The following LPP variants were observed in gnomAD, a reference collection of about 807,000 sequenced individuals.
The protein encoded by LPP is LIM domain containing preferred translocation partner in lipoma, also known as lipoma-preferred partner.
In LPP, 38 loss-of-function variants were observed where a neutral mutation model predicts 60.4. That is an observed-to-expected ratio of 0.63 (90% CI 0.49 to 0.83). LPP has a LOEUF of 0.83. Ranked by LOEUF, LPP falls within the 40% of genes least tolerant of loss-of-function variation. The pLI, the probability that LPP is intolerant of heterozygous loss-of-function variation, is 0.00. For synonymous variants in LPP, 328 were observed against 290.8 expected (o/e 1.13, Z -1.30); for missense variants, 902 against 783.6 (o/e 1.15, Z -1.80).
chr3:188,619,830 C>A (rs1454931581), intron 7 of LPP, among the ~76,000 whole-genome samples: 1 of 152,110 alleles, frequency 6.6e-6, no homozygotes, highest in Non-Finnish European at 1.5e-5. Flanking sequence ...GAAGTTGTGA[C>A]AGTAAGTGGA....
intron 4 of LPP, among the ~76,000 whole-genome samples, chr3:188,438,573 T>C (rs1792961854): frequency 6.6e-6 from 1 of 152,190 alleles, no homozygotes; most frequent in Non-Finnish European, 1.5e-5. Context: ...GTAACTACAC[T>C]GTTCTTCCCA....
chr3:188,154,809 G>T (rs1024357026), intron 1 of LPP, among the ~76,000 whole-genome samples: 1 of 152,236 alleles, frequency 6.6e-6, no homozygotes, highest in African/African-American at 2.4e-5. Context: ...AAGGAACTCA[G>T]TTGAACCTGG....
intron 3 of LPP, among the ~76,000 whole-genome samples, chr3:188,386,884 T>TA (rs1464484234): frequency 1.1e-4 from 17 of 152,332 alleles, no homozygotes; most frequent in African/African-American, 4.1e-4. Flanking sequence ...ACTGCTTATT[T>TA]ATAATGTACG....
intron 8 of LPP, among the ~76,000 whole-genome samples, chr3:188,729,060 C>T (rs1273408441): frequency 6.6e-6 from 1 of 151,994 alleles, no homozygotes; most frequent in African/African-American, 2.4e-5. Flanking sequence ...AAAAACCTCC[C>T]TAGGGAGATT....
chr3:188,722,982 T>C (rs1191985245), intron 8 of LPP, among the ~76,000 whole-genome samples: 1 of 152,186 alleles, frequency 6.6e-6, no homozygotes, highest in Non-Finnish European at 1.5e-5. Flanking sequence ...GATGTTCTGT[T>C]GTAATTGGAA....
chr3:188,820,199 A>C (rs1428908358), intron 9 of LPP, among the ~76,000 whole-genome samples: 4 of 152,156 alleles, frequency 2.6e-5, no homozygotes, highest in Non-Finnish European at 5.9e-5. Context: ...CTAAAAGTCA[A>C]AAAAAGCTTT....
chr3:188,699,829 T>C (rs1200052589), intron 7 of LPP, among the ~76,000 whole-genome samples: 1 of 152,200 alleles, frequency 6.6e-6, no homozygotes, highest in Admixed American at 6.5e-5. Flanking sequence ...GAAGGGGTTC[T>C]CCTTCCATTT....
intron 9 of LPP, among the ~76,000 whole-genome samples, chr3:188,807,013 G>A (rs747631984): frequency 3.0e-4 from 45 of 151,428 alleles, no homozygotes; most frequent in Non-Finnish European, 4.1e-4. Context: ...GTCTGATACC[G>A]TATTCCTTCT....
At chr3:188,204,269 T>C (rs1208340664) in intron 1 of LPP, among the ~76,000 whole-genome samples, 1 of 152,090 alleles carries the variant, frequency 6.6e-6, no homozygotes, top group Non-Finnish European at 1.5e-5. Context: ...GCTAAAAACA[T>C]AGATTGGGCT....
Position 188,694,421 on chromosome 3 carries a change from G to T in LPP, c.1114-13846G>T, listed in dbSNP as rs187911410. On this transcript the variant is annotated intron_variant, in intron 7 of 11. Coordinates refer to ENST00000617246, the MANE Select transcript of LPP (RefSeq NM_001375462.1). Reference sequence around the variant, plus strand: ...TGAAGACATTAAAAATGACCATGTCGGCCGGGCATGGTGGCTCATGCCTGT... The same window carrying T: ...TGAAGACATTAAAAATGACCATGTCTGCCGGGCATGGTGGCTCATGCCTGT... Among the ~76,000 whole-genome samples the T allele has an allele frequency of 2.0e-5, 3 of 152,196 alleles. No individual in the cohort carries two copies. The East Asian group carries it at 5.8e-4, about 29-fold the overall frequency.
Position 188,715,194 on chromosome 3 carries a change from A to G in LPP, c.1240+6801A>G, listed in dbSNP as rs529128103. On this transcript the variant is annotated intron_variant, in intron 8 of 11. Transcript: ENST00000617246. ...AGAGATCAAGACCATCCTGGCCAACATGGTGAAACCCCATCTCTACTAAAA... is the reference window on the plus strand; with the variant it reads ...AGAGATCAAGACCATCCTGGCCAACGTGGTGAAACCCCATCTCTACTAAAA... Among the ~76,000 whole-genome samples the G allele has an allele frequency of 5.3e-5, 8 of 152,122 alleles. No individual in the cohort carries two copies. The East Asian group carries it at 1.6e-3, about 30-fold the overall frequency.
intron 3 of LPP, among the ~76,000 whole-genome samples, chr3:188,401,307 G>C (rs1356664944): frequency 2.6e-5 from 4 of 152,098 alleles, no homozygotes; most frequent in Admixed American, 6.5e-5. Flanking sequence ...TCCCCTAACT[G>C]TTCTCCCTGA....
intron 5 of LPP, among the ~76,000 whole-genome samples, chr3:188,495,082 ATTTTATT>A (rs1238487269): frequency 1.2e-3 from 112 of 97,120 alleles, no homozygotes; most frequent in East Asian, 8.5e-3. Context: ...ATATATATAT[ATTTTATT>A]TATATTTTAT....
In LPP at chr3:188,516,934, C is replaced by T. The variant is rs141755044; in HGVS notation, c.307-7731C>T. Among the ~76,000 whole-genome samples the T allele has an allele frequency of 7.9e-5, 12 of 152,250 alleles. No individual in the cohort carries two copies. In the East Asian group the frequency reaches 2.3e-3, roughly 29 times the overall value. On this transcript the variant is annotated intron_variant, in intron 5 of 11. Transcript: ENST00000617246. The stretch of plus-strand genomic sequence containing the variant: ...ATGGTTAATTCCTGGCACCCTTACA[C>T]ATGTTCAGATGCATAGAAGCCCCAT...
intron 4 of LPP, among the ~76,000 whole-genome samples, chr3:188,477,384 G>T (rs891265437): frequency 2.6e-5 from 4 of 152,186 alleles, no homozygotes; most frequent in African/African-American, 7.2e-5. Context: ...TCAGAGAGAA[G>T]GGCAGAGTGG....
chr3:188,737,915 A>G (rs982841951), intron 8 of LPP, among the ~76,000 whole-genome samples: 6 of 152,124 alleles, frequency 3.9e-5, no homozygotes, highest in African/African-American at 1.2e-4. Flanking sequence ...TCTCAGCTCT[A>G]TTCTGCTTAG....
intron 1 of LPP, among the ~76,000 whole-genome samples, chr3:188,221,640 A>G (rs1560123721): frequency 6.6e-6 from 1 of 152,162 alleles, no homozygotes; most frequent in Non-Finnish European, 1.5e-5. Flanking sequence ...CAGCTAGTTA[A>G]TTGTTAACCC....
At chr3:188,532,662 C>A (rs1234291307) in intron 6 of LPP, among the ~76,000 whole-genome samples, 1 of 152,180 alleles carries the variant, frequency 6.6e-6, no homozygotes, top group African/African-American at 2.4e-5. Flanking sequence ...GTGAACCTGT[C>A]CATGTTACCA....
At chr3:188,613,300 A>ATATCTATATC (rs1553944250) in intron 7 of LPP, among the ~76,000 whole-genome samples, 2,216 of 146,260 alleles carry the variant, frequency 0.015, 32 homozygotes, top group Non-Finnish European at 0.021. Flanking sequence ...ATCTATATCT[A>ATATCTATATC]TATCTATATC....
Sources: allele counts gnomAD v4.1 joint callset (sites outside exome capture counted in the v4.1 genomes callset), GRCh38; gene constraint gnomAD v4.1.1; transcripts MANE v1.5; gene names NCBI Gene and HGNC (gene_info 2026-07-23, HGNC 2026-07-21).